The following PCDH15 variants were observed in gnomAD, a reference collection of about 807,000 sequenced individuals.
The protein encoded by PCDH15 is protocadherin related 15, also known as protocadherin-15.
A neutral mutation model predicts 178.5 loss-of-function variants in PCDH15; 129 were observed. The ratio of observed to expected loss-of-function variants is 0.72; its 90% CI spans 0.63 to 0.84. The LOEUF is 0.84. Among genes scored for constraint, PCDH15 ranks in the 40% least tolerant of loss-of-function variants. The pLI is 0.00. For synonymous variants in PCDH15, 800 were observed against 732.0 expected, an observed-to-expected ratio of 1.09 and a Z score of -1.50; for missense variants, 2,230 against 2,099.9, an observed-to-expected ratio of 1.06 and a Z score of -1.21.
chr10:55,227,672 T>C (rs1043759599), intron 1 of PCDH15, among the ~76,000 whole-genome samples: 4 of 152,112 alleles, frequency 2.6e-5, no homozygotes, highest in Non-Finnish European at 5.9e-5. Flanking sequence ...GGGTAACCTG[T>C]ATTGGCAGGA....
At chr10:53,901,732 T>C (rs1430019847) in intron 26 of PCDH15, among the ~76,000 whole-genome samples, 1 of 152,174 alleles carries the variant, frequency 6.6e-6, no homozygotes, top group East Asian at 1.9e-4. Flanking sequence ...TGTCTACCTT[T>C]AGGGCTTTAC....
intron 8 of PCDH15, among the ~76,000 whole-genome samples, chr10:54,252,712 C>T (rs376073118): frequency 2.0e-3 from 303 of 151,760 alleles, no homozygotes; most frequent in African/African-American, 3.4e-3. Flanking sequence ...TAATTTACAA[C>T]GATTCATATA....
chr10:53,855,492 A>T (rs1379940990), intron 28 of PCDH15, among the ~76,000 whole-genome samples: 1 of 152,090 alleles, frequency 6.6e-6, no homozygotes, highest in Admixed American at 6.6e-5. Context: ...CTCATAAAAC[A>T]ATTTACATGA....
chr10:53,823,501 A>ATTATT (rs968549515), intron 32 of PCDH15: 25 of 839,248 alleles, frequency 3.0e-5, no homozygotes, highest in African/African-American at 2.5e-4. Flanking sequence ...AAAGCAAGAC[A>ATTATT]TTATTTTAAT....
intron 1 of PCDH15, among the ~76,000 whole-genome samples, chr10:54,797,909 T>A (rs998784709): frequency 1.3e-5 from 2 of 152,056 alleles, no homozygotes; most frequent in Non-Finnish European, 2.9e-5. Flanking sequence ...CTTCAGTTTA[T>A]ACACCACAGT....
Position 54,669,865 on chromosome 10 carries a change from A to G in PCDH15, c.-28-5575T>C, listed in dbSNP as rs545128166. On this transcript the variant is annotated intron_variant, in intron 1 of 37. Transcript: ENST00000644397. ...ATCAGGAGTTCCAGACCAGCCTGGC[A>G]AACTTGGTGAAACCCCATCTCTACT... Among the ~76,000 whole-genome samples the G allele has an allele frequency of 3.0e-3, 459 of 151,750 alleles. 3 individuals are homozygous for G. The highest frequency in any genetic ancestry group is 0.011 in the African/African-American group (435 of 41,358).
intron 2 of PCDH15, among the ~76,000 whole-genome samples, chr10:54,634,382 C>T (rs893337936): frequency 1.3e-5 from 2 of 152,042 alleles, no homozygotes; most frequent in Non-Finnish European, 2.9e-5. Context: ...GTGTTCCTTT[C>T]TTGAAGTCAG....
At chr10:53,814,142 A>G (rs968854857) in intron 35 of PCDH15, among the ~76,000 whole-genome samples, 2 of 152,154 alleles carry the variant, frequency 1.3e-5, no homozygotes, top group Non-Finnish European at 2.9e-5. Flanking sequence ...CAGTGTAATG[A>G]CACTGGTTTA....
intron 7 of PCDH15, among the ~76,000 whole-genome samples, chr10:54,326,770 C>T (rs555785796): frequency 2.0e-5 from 3 of 151,928 alleles, no homozygotes; most frequent in Admixed American, 6.6e-5. Flanking sequence ...TAAACAAAAA[C>T]GGAGTATTGT....
chr10:55,449,638 A>G (rs572845990), intron 2 of PCDH15, among the ~76,000 whole-genome samples: 2 of 152,312 alleles, frequency 1.3e-5, no homozygotes, highest in East Asian at 3.9e-4. Context: ...AATATATGAT[A>G]GGAATAATAA....
chr10:54,475,223 C>G (rs919832202), intron 3 of PCDH15, among the ~76,000 whole-genome samples: 1 of 151,752 alleles, frequency 6.6e-6, no homozygotes, highest in South Asian at 2.1e-4. Context: ...ATTTCAGTAA[C>G]GACTAATGCC....
In PCDH15 at chr10:54,149,122, T is replaced by G. The variant is rs184845265; in HGVS notation, c.1784+3978A>C. On this transcript the variant is annotated intron_variant, in intron 14 of 37. Coordinates refer to ENST00000644397, the MANE Select transcript of PCDH15 (RefSeq NM_001384140.1). ...ATAGGGTCACATACTTCTTTTTCAT[T>G]TGGTCAACCTCATCCTCTTATTGTG... Among the ~76,000 whole-genome samples, 4 of 152,234 alleles carry G rather than the reference T, an allele frequency of 2.6e-5. No individual in the cohort carries two copies. The East Asian group carries it at 7.7e-4, about 29-fold the overall frequency.
intron 21 of PCDH15, among the ~76,000 whole-genome samples, chr10:53,966,288 T>G (rs866090495): frequency 3.3e-5 from 5 of 150,942 alleles, no homozygotes; most frequent in African/African-American, 1.2e-4. Context: ...AAAGCACATT[T>G]TATTTTATAT....
At chr10:55,402,609 T>C (rs1447962227) in intron 2 of PCDH15, among the ~76,000 whole-genome samples, 1 of 152,034 alleles carries the variant, frequency 6.6e-6, no homozygotes, top group Non-Finnish European at 1.5e-5. Flanking sequence ...TAACTAAATA[T>C]AATTATCTCC....
chr10:54,909,464 T>A (rs74138822), intron 2 of PCDH15, among the ~76,000 whole-genome samples: 3 of 152,152 alleles, frequency 2.0e-5, no homozygotes, highest in Admixed American at 2.0e-4. Flanking sequence ...CTCGAGCATG[T>A]GCACCCCTGG....
chr10:54,858,283 T>A (rs1322418921), intron 3 of PCDH15, among the ~76,000 whole-genome samples: 1 of 152,208 alleles, frequency 6.6e-6, no homozygotes, highest in Admixed American at 6.5e-5. Context: ...TGTGTATACA[T>A]ACTACGATAT....
At chr10:55,349,084 A>G (rs1836636348) in intron 2 of PCDH15, among the ~76,000 whole-genome samples, 1 of 152,080 alleles carries the variant, frequency 6.6e-6, no homozygotes, top group African/African-American at 2.4e-5. Context: ...GAGGAGAACT[A>G]TTGGGTCTAT....
chr10:54,178,041 C>T (rs1278257681), intron 13 of PCDH15, among the ~76,000 whole-genome samples: 4 of 151,862 alleles, frequency 2.6e-5, no homozygotes, highest in African/African-American at 7.3e-5. Flanking sequence ...AGTATATATA[C>T]GTATTTGAAG....
In PCDH15 at chr10:54,605,042, C is replaced by A. The variant is rs529719967; in HGVS notation, c.91+59130G>T. On this transcript the variant is annotated intron_variant, in intron 2 of 37. Transcript: ENST00000644397. ...TCCACACAAAAACTTCACATTTTTA[C>A]CTTGTTCCCATTATAGATTATTGAT... is the stretch of plus-strand genomic sequence containing the variant. 5.3e-5 allele frequency among the ~76,000 whole-genome samples: 8 copies of A among 151,716 alleles called. No homozygotes were observed. The South Asian group carries it at 1.7e-3, about 32-fold the overall frequency.
Sources: gnomAD v4.1 joint callset for allele counts (sites outside exome capture counted in the v4.1 genomes callset) on GRCh38, gnomAD v4.1.1 for gene constraint, MANE v1.5 for transcripts, NCBI Gene and HGNC (gene_info 2026-07-23, HGNC 2026-07-21) for gene names.